CNIH3: variants seen among roughly 807,000 people sequenced by gnomAD.
CNIH3 encodes protein cornichon homolog 3.
A neutral mutation model predicts 24.1 loss-of-function variants in CNIH3; 14 were observed. That is an observed-to-expected ratio of 0.58 (90% CI 0.38 to 0.91). The LOEUF (loss-of-function observed/expected upper bound fraction) is 0.91, where lower values mean the gene tolerates loss of function less well. Ranked by LOEUF, CNIH3 falls within the 40% of genes least tolerant of loss-of-function variation. The pLI is 0.00. For missense variants in CNIH3, 178 were observed against 196.8 expected, an observed-to-expected ratio of 0.90 and a Z score of 0.57; for synonymous variants, 68 against 73.8, an observed-to-expected ratio of 0.92 and a Z score of 0.40.
chr1:224,480,408 G>A (rs1369692870), intron 1 of CNIH3, among the ~76,000 whole-genome samples: 1 of 152,168 alleles, frequency 6.6e-6, no homozygotes, highest in African/African-American at 2.4e-5. Flanking sequence ...TTAACATTAG[G>A]CTTCTCCTCA....
chr1:224,537,090 A>G (rs1040361214), downstream of CNIH3: 1 of 152,248 alleles, frequency 6.6e-6, no homozygotes, highest in Non-Finnish European at 1.5e-5. Flanking sequence ...TAATTGCTAA[A>G]TAAGATAGCT....
intron 1 of CNIH3, among the ~76,000 whole-genome samples, chr1:224,499,993 C>T (rs1212204461): frequency 2.0e-5 from 3 of 151,432 alleles, no homozygotes; most frequent in African/African-American, 7.3e-5. Flanking sequence ...GGATCTAATT[C>T]CTTTCTTTCT....
chr1:224,530,955 C>G (rs1250288810), intron 2 of CNIH3, among the ~76,000 whole-genome samples: 1 of 152,170 alleles, frequency 6.6e-6, no homozygotes, highest in African/African-American at 2.4e-5. Context: ...TTCCATGACT[C>G]TCCTTTTTTC....
intron 3 of CNIH3, among the ~76,000 whole-genome samples, chr1:224,558,348 CAA>C (rs1187747021): frequency 6.6e-6 from 1 of 152,016 alleles, no homozygotes; most frequent in Non-Finnish European, 1.5e-5. Context: ...TTGGAAGTCC[CAA>C]AGTGTCATTT....
chr1:224,581,781 C>A (rs1219009625), intron 4 of CNIH3, among the ~76,000 whole-genome samples: 1 of 152,106 alleles, frequency 6.6e-6, no homozygotes, highest in Non-Finnish European at 1.5e-5. Context: ...AAATTTAGCT[C>A]ATCTCCTTTG....
intron 1 of CNIH3, among the ~76,000 whole-genome samples, chr1:224,518,003 G>A (rs1042202683): frequency 3.3e-5 from 5 of 152,080 alleles, no homozygotes; most frequent in African/African-American, 7.2e-5. Flanking sequence ...TTTAGCAAGC[G>A]GCAGGACAGC....
chr1:224,735,818 AT>A (rs946121874), intron 5 of CNIH3, among the ~76,000 whole-genome samples: 127 of 143,930 alleles, frequency 8.8e-4, no homozygotes, highest in African/African-American at 7.6e-4. Flanking sequence ...GCCCGGCTAT[AT>A]TTTTTTTTTT....
At chr1:224,505,798 A>G (rs1328731415) in intron 1 of CNIH3, among the ~76,000 whole-genome samples, 1 of 152,252 alleles carries the variant, frequency 6.6e-6, no homozygotes, top group Non-Finnish European at 1.5e-5. Flanking sequence ...TTATACCAAC[A>G]GCATATGAAC....
At chr1:224,564,404 C>T (rs1361858234) in intron 3 of CNIH3, among the ~76,000 whole-genome samples, 1 of 152,160 alleles carries the variant, frequency 6.6e-6, no homozygotes, top group East Asian at 1.9e-4. Flanking sequence ...TCAGCAGGAC[C>T]GTCTCTGGAC....
chr1:224,584,033 C>G lies in CNIH3; in HGVS notation n.620+766C>G, dbSNP rs1045155428. 3.3e-5 allele frequency among the ~76,000 whole-genome samples: 5 copies of G among 152,316 alleles called. No individual in the cohort carries two copies. The South Asian group carries it at 1.0e-3, about 32-fold the overall frequency. On this transcript the variant is annotated intron_variant and non_coding_transcript_variant, in intron 5 of 5. Transcript: ENST00000471578. ...CTCACTCACCACTGCATTAGCCTCA[C>G]TTATAGCCCTTTCTTTGGAAATAAT...
At chr1:224,520,683 C>T (rs567671887) in intron 1 of CNIH3, among the ~76,000 whole-genome samples, 4 of 152,228 alleles carry the variant, frequency 2.6e-5, no homozygotes, top group Admixed American at 6.5e-5. Context: ...TTTTCAGTCC[C>T]GAATTTGTGT....
intron 1 of CNIH3, among the ~76,000 whole-genome samples, chr1:224,621,436 T>A (rs1229995937): frequency 1.3e-5 from 2 of 152,180 alleles, no homozygotes; most frequent in Admixed American, 1.3e-4. Flanking sequence ...AAATAGCCTG[T>A]TTTTTTATGA....
In CNIH3 at chr1:224,616,953, C is replaced by T; in HGVS notation, c.-222C>T. 7.2e-7 allele frequency: 1 copy of T among 1,385,724 alleles called. No individual in the cohort carries two copies. Among genetic ancestry groups the T allele is most frequent in the East Asian group, 2.6e-5 (1 of 37,922 alleles). The allele number at this position is 1,385,724 out of a possible 1,614,324, so 85.8% of individuals were successfully genotyped here. On this transcript the variant is annotated 5_prime_UTR_variant, in exon 1 of 6. Transcript: ENST00000272133. ...CCAGCGACTCTCGACACACGTTTTC[C>T]TGTCTTCGCCGGAGGGCCGGGTCTG...
At chr1:224,488,818 C>A (rs558506177) in intron 1 of CNIH3, among the ~76,000 whole-genome samples, 48 of 152,090 alleles carry the variant, frequency 3.2e-4, no homozygotes, top group African/African-American at 1.1e-3. Context: ...TCTATAATTT[C>A]TATTTAGTTA....
At chr1:224,452,856 CGTGCCT>C (rs1675480805) in intron 1 of CNIH3, among the ~76,000 whole-genome samples, 1 of 150,044 alleles carries the variant, frequency 6.7e-6, no homozygotes, top group East Asian at 2.0e-4. Flanking sequence ...TGCGGTGGCT[CGTGCCT>C]GTAATCCCAG....
At chr1:224,497,571 A>G (rs1305956769) in intron 1 of CNIH3, among the ~76,000 whole-genome samples, 1 of 152,246 alleles carries the variant, frequency 6.6e-6, no homozygotes, top group Non-Finnish European at 1.5e-5. Context: ...AAGATAATGC[A>G]TATGACAGAC....
intron 1 of CNIH3, among the ~76,000 whole-genome samples, chr1:224,439,290 T>C (rs1674792712): frequency 6.6e-6 from 1 of 152,226 alleles, no homozygotes; most frequent in Non-Finnish European, 1.5e-5. Flanking sequence ...GGACGACTGC[T>C]TTGCCACAGG....
In CNIH3 at chr1:224,610,626, T is replaced by C. The variant is rs188253009; in HGVS notation, n.402+44362T>C. On this transcript the variant is annotated intron_variant and non_coding_transcript_variant, in intron 3 of 7. Transcript: ENST00000478120. The stretch of plus-strand genomic sequence containing the variant: ...TACCCAGTCTCAGGTAGTATCTTTA[T>C]AGCAGTGTGAAAACAGACTAATGCA... 1.1e-4 allele frequency among the ~76,000 whole-genome samples: 16 copies of C among 152,352 alleles called. No homozygotes were observed. In the East Asian group the frequency reaches 2.5e-3, roughly 24 times the overall value.
In CNIH3 at chr1:224,695,387, CACACACA is replaced by C. The variant is rs755926868; in HGVS notation, c.198+10545_198+10551del. Among the ~76,000 whole-genome samples, 711 of 145,712 alleles carry C rather than the reference CACACACA, an allele frequency of 4.9e-3. 8 individuals are homozygous for C. Among genetic ancestry groups the C allele is most frequent in the East Asian group, 0.03 (150 of 4,978 alleles). On this transcript the variant is annotated intron_variant, in intron 3 of 5. Transcript: ENST00000272133. ...ACACACACACACACACACACACACA[CACACACA>C]CCCCTGTTGGTTCTGTTTTACTGGA...
Sources: allele counts gnomAD v4.1 joint callset (sites outside exome capture counted in the v4.1 genomes callset), GRCh38; gene constraint gnomAD v4.1.1; transcripts MANE v1.5; gene names NCBI Gene and HGNC (gene_info 2026-07-23, HGNC 2026-07-21).